KLF12: variants seen among roughly 807,000 people sequenced by gnomAD.
The protein encoded by KLF12 is Krueppel-like factor 12.
A neutral mutation model predicts 37.8 loss-of-function variants in KLF12; 9 were observed. The ratio of observed to expected loss-of-function variants is 0.24; its 90% CI spans 0.14 to 0.42. The LOEUF (loss-of-function observed/expected upper bound fraction) is 0.42. Ranked by LOEUF, KLF12 falls within the 10% of genes least tolerant of loss-of-function variation. The probability of loss-of-function intolerance (pLI) is 1.00; values close to 1 mark genes in which losing one functional copy is unlikely to be tolerated. For missense variants in KLF12, 411 were observed against 516.0 expected (o/e 0.80, Z 1.97); for synonymous variants, 208 against 202.1 (o/e 1.03, Z -0.25).
intron 1 of KLF12, among the ~76,000 whole-genome samples, chr13:74,045,797 CGT>C (rs1384033824): frequency 6.6e-6 from 1 of 152,126 alleles, no homozygotes; most frequent in Admixed American, 6.5e-5. Context: ...ATTGAGTGTG[CGT>C]GTGTGTCACC....
chr13:74,135,881 G>A (rs1878537807), upstream of KLF12, among the ~76,000 whole-genome samples: 1 of 152,254 alleles, frequency 6.6e-6, no homozygotes, highest in African/African-American at 2.4e-5. Flanking sequence ...GTGAGCCAGG[G>A]CCAGCTGGGC....
intron 1 of KLF12, among the ~76,000 whole-genome samples, chr13:74,059,212 T>C (rs1051505602): frequency 5.3e-5 from 8 of 152,242 alleles, no homozygotes; most frequent in African/African-American, 1.9e-4. Context: ...GTTGAATCCA[T>C]GACTTTGCTA....
At chr13:74,259,122 G>A in the KLF12 span, 5,550 of 152,378 alleles carry the variant, frequency 0.036, 223 homozygotes, top group African/African-American at 0.095. Flanking sequence ...GAGAAAGCCC[G>A]AGGATGGAGA....
chr13:74,082,084 T>G (rs1874928800), intron 1 of KLF12, among the ~76,000 whole-genome samples: 1 of 150,350 alleles, frequency 6.7e-6, no homozygotes. Context: ...TCCCAGCACT[T>G]TGGGAGGCTG....
intron 1 of KLF12, among the ~76,000 whole-genome samples, chr13:74,068,363 T>C (rs1256569760): frequency 2.6e-5 from 4 of 152,130 alleles, no homozygotes; most frequent in Non-Finnish European, 5.9e-5. Flanking sequence ...AAATAAGAAA[T>C]ATCTTCAAAA....
At chr13:74,080,193 T>C (rs1276244488) in intron 1 of KLF12, among the ~76,000 whole-genome samples, 1 of 145,470 alleles carries the variant, frequency 6.9e-6, no homozygotes, top group African/African-American at 2.8e-5. Flanking sequence ...TCCCAATTCT[T>C]TGAGAGGCCA....
chr13:73,713,648 G>C (rs923659789), intron 7 of KLF12, among the ~76,000 whole-genome samples: 19 of 152,234 alleles, frequency 1.2e-4, no homozygotes, highest in Non-Finnish European at 2.8e-4. Context: ...TCAAGGTTCA[G>C]ATTGTTTTGA....
the KLF12 span, among the ~76,000 whole-genome samples, chr13:74,141,043 T>A: frequency 2.6e-5 from 4 of 151,614 alleles, no homozygotes; most frequent in Non-Finnish European, 5.9e-5. Flanking sequence ...CCAGCCTGGG[T>A]GACAGAGGGA....
the KLF12 span, among the ~76,000 whole-genome samples, chr13:74,150,571 C>A: frequency 6.6e-6 from 1 of 152,196 alleles, no homozygotes; most frequent in Non-Finnish European, 1.5e-5. Context: ...TACTATAGAT[C>A]TTAGCAACAT....
chr13:73,805,175 T>G (rs910282370), intron 5 of KLF12, among the ~76,000 whole-genome samples: 7 of 152,186 alleles, frequency 4.6e-5, no homozygotes, highest in African/African-American at 1.7e-4. Flanking sequence ...CCAAAAACAC[T>G]CTACTATTTT....
chr13:73,889,426 G>A (rs570602443), intron 3 of KLF12, among the ~76,000 whole-genome samples: 1 of 152,110 alleles, frequency 6.6e-6, no homozygotes, highest in Non-Finnish European at 1.5e-5. Flanking sequence ...AGTGTGTAAT[G>A]TCTACAATGT....
chr13:74,182,529 GC>G, the KLF12 span, among the ~76,000 whole-genome samples: 1 of 152,206 alleles, frequency 6.6e-6, no homozygotes, highest in Non-Finnish European at 1.5e-5. Flanking sequence ...TGTCACCTCT[GC>G]AGAGGTGGAG....
At chr13:74,180,497 T>C in the KLF12 span, among the ~76,000 whole-genome samples, 1 of 152,220 alleles carries the variant, frequency 6.6e-6, no homozygotes, top group Non-Finnish European at 1.5e-5. Flanking sequence ...AAATTCTGCT[T>C]CTGAAAACCA....
chr13:74,115,254 A>C (rs2138948749), intron 1 of KLF12, among the ~76,000 whole-genome samples: 1 of 152,292 alleles, frequency 6.6e-6, no homozygotes, highest in East Asian at 1.9e-4. Context: ...ATAACCACTA[A>C]CATTTCACAT....
intron 6 of KLF12, among the ~76,000 whole-genome samples, chr13:73,750,350 A>G (rs919152900): frequency 2.5e-4 from 38 of 152,168 alleles, no homozygotes; most frequent in East Asian, 1.9e-4. Context: ...CAGTTTTCCT[A>G]CCAATAGATG....
chr13:74,229,116 T>C, the KLF12 span, among the ~76,000 whole-genome samples: 1 of 152,170 alleles, frequency 6.6e-6, no homozygotes, highest in Non-Finnish European at 1.5e-5. Flanking sequence ...TTTAGAGTTG[T>C]GAGTTGGGAT....
intron 1 of KLF12, among the ~76,000 whole-genome samples, chr13:74,007,676 AATT>A (rs1203513457): frequency 6.6e-6 from 1 of 152,174 alleles, no homozygotes; most frequent in Non-Finnish European, 1.5e-5. Context: ...TTTAAAACAA[AATT>A]GTTATTATTC....
At chr13:74,042,562 TG>T (rs201486671) in intron 1 of KLF12, among the ~76,000 whole-genome samples, 1,669 of 152,290 alleles carry the variant, frequency 0.011, 15 homozygotes, top group Non-Finnish European at 0.016. Context: ...GATTGAGCTG[TG>T]TTGAAAATCA....
intron 1 of KLF12, among the ~76,000 whole-genome samples, chr13:74,031,095 GA>G (rs1893100249): frequency 1.3e-5 from 2 of 152,108 alleles, no homozygotes; most frequent in African/African-American, 4.8e-5. Flanking sequence ...TAGATTCACA[GA>G]CTCAGCCATT....
Sources: allele counts gnomAD v4.1 joint callset (sites outside exome capture counted in the v4.1 genomes callset), GRCh38; gene constraint gnomAD v4.1.1; transcripts MANE v1.5; gene names NCBI Gene and HGNC (gene_info 2026-07-23, HGNC 2026-07-21).